The following RUNX1T1 variants were observed in gnomAD, a reference collection of about 807,000 sequenced individuals.
RUNX1T1 encodes the protein RUNX1 partner transcriptional co-repressor 1.
A neutral mutation model predicts 62.8 loss-of-function variants in RUNX1T1; 4 were observed. The observed-to-expected ratio is 0.06, with a 90% confidence interval of 0.03 to 0.15. The LOEUF is 0.15. Among genes scored for constraint, RUNX1T1 ranks in the 10% least tolerant of loss-of-function variants. The pLI is 1.00. For synonymous variants in RUNX1T1, 291 were observed against 286.0 expected (o/e 1.02, Z -0.18); for missense variants, 508 against 754.3 (o/e 0.67, Z 3.82).
At chr8:92,076,832 A>C (rs555386622) in intron 1 of RUNX1T1, among the ~76,000 whole-genome samples, 1 of 152,056 alleles carries the variant, frequency 6.6e-6, no homozygotes, top group Non-Finnish European at 1.5e-5. Flanking sequence ...CACAATATTT[A>C]TTGTCTATTC....
In RUNX1T1 at chr8:92,017,324, A is replaced by G. The variant is rs763393174; in HGVS notation, c.47T>C (p.Val16Ala). ...CAGCCTAGATTGCGTCTTCACATCC[A>G]CAGGTGAGTCTGGCATTGTGGAGTG... is the stretch of plus-strand genomic sequence containing the variant. Residue 16 changes from valine to alanine, a missense_variant, in exon 2 of 11, where the codon GTG becomes GCG. Coordinates refer to ENST00000396218, the Ensembl canonical transcript of RUNX1T1. 2.5e-6 allele frequency: 4 copies of G among 1,613,888 alleles called. No homozygotes were observed. In the African/African-American group the frequency reaches 5.3e-5, roughly 22 times the overall value.
intron 1 of RUNX1T1, among the ~76,000 whole-genome samples, chr8:92,087,272 A>C (rs1045005680): frequency 4.6e-5 from 7 of 152,174 alleles, no homozygotes; most frequent in African/African-American, 1.7e-4. Flanking sequence ...AAAATGCTTG[A>C]TATTCAAGAC....
chr8:91,989,584 T>A (rs1817243615), intron 6 of RUNX1T1, among the ~76,000 whole-genome samples: 1 of 152,222 alleles, frequency 6.6e-6, no homozygotes, highest in East Asian at 1.9e-4. Flanking sequence ...TACTGTATAG[T>A]GCACTGGAAC....
intron 6 of RUNX1T1, among the ~76,000 whole-genome samples, chr8:91,991,418 T>A (rs2130878426): frequency 6.6e-6 from 1 of 152,338 alleles, no homozygotes; most frequent in South Asian, 2.1e-4. Context: ...AAATTTAGTG[T>A]ACTGTCTTAA....
chr8:92,056,452 G>C (rs1405503179), intron 1 of RUNX1T1, among the ~76,000 whole-genome samples: 1 of 152,086 alleles, frequency 6.6e-6, no homozygotes, highest in Non-Finnish European at 1.5e-5. Flanking sequence ...TGAGTGTCAA[G>C]TACTCTGTAT....
chr8:92,033,462 T>A (rs1291173371), intron 1 of RUNX1T1, among the ~76,000 whole-genome samples: 1 of 152,188 alleles, frequency 6.6e-6, no homozygotes, highest in Non-Finnish European at 1.5e-5. Context: ...TTTCTTAAGT[T>A]CGTGATTCAG....
chr8:92,017,157 T>C (rs1436994329), intron 2 of RUNX1T1, 69 bp downstream of exon 3: 1 of 1,147,802 alleles, frequency 8.7e-7, no homozygotes, highest in Non-Finnish European at 1.3e-6. Flanking sequence ...CCCTTGATTT[T>C]TCATTTGCAG....
chr8:92,027,105 A>G (rs1252072030), intron 1 of RUNX1T1, among the ~76,000 whole-genome samples: 2 of 145,448 alleles, frequency 1.4e-5, no homozygotes, highest in South Asian at 2.2e-4. Context: ...GACAGAGCGA[A>G]ACTCCGTCTC....
At chr8:92,076,162 A>C in intron 1 of RUNX1T1, 25 bp from the exon 2 acceptor site, 2 of 1,487,348 alleles carry the variant, frequency 1.3e-6, no homozygotes, top group Non-Finnish European at 1.8e-6. Context: ...AAAGGGAAAA[A>C]AAATGCATAT....
chr8:91,996,599 C>T (rs369597026), intron 5 of RUNX1T1, among the ~76,000 whole-genome samples: 1 of 152,188 alleles, frequency 6.6e-6, no homozygotes, highest in African/African-American at 2.4e-5. Context: ...ATCCCAATCA[C>T]TTCTCTCTCG....
intron 5 of RUNX1T1, among the ~76,000 whole-genome samples, chr8:92,002,902 T>C (rs541500482): frequency 8.5e-5 from 13 of 152,236 alleles, no homozygotes; most frequent in Admixed American, 7.8e-4. Flanking sequence ...GCAGAAAATA[T>C]ATGCAAAAAG....
At chr8:92,086,560 C>T (rs1010289319) in intron 1 of RUNX1T1, among the ~76,000 whole-genome samples, 2 of 152,136 alleles carry the variant, frequency 1.3e-5, no homozygotes, top group Non-Finnish European at 1.5e-5. Flanking sequence ...TCACCATCTC[C>T]GAAAGGCAGC....
chr8:91,963,532 T>C (rs770520717), intron 10 of RUNX1T1, among the ~76,000 whole-genome samples: 15 of 152,330 alleles, frequency 9.8e-5, no homozygotes, highest in Non-Finnish European at 1.9e-4. Context: ...AATTTACTGT[T>C]GGCTAATCCA....
At chr8:91,972,808 T>C (rs948746092) in intron 9 of RUNX1T1, among the ~76,000 whole-genome samples, 1 of 152,112 alleles carries the variant, frequency 6.6e-6, no homozygotes, top group Non-Finnish European at 1.5e-5. Flanking sequence ...GGTGCTTGAA[T>C]ATTTATTACC....
chr8:92,022,496 A>G (rs993755155), intron 1 of RUNX1T1, among the ~76,000 whole-genome samples: 14 of 152,148 alleles, frequency 9.2e-5, no homozygotes, highest in Non-Finnish European at 2.1e-4. Context: ...CTCAGCCCAT[A>G]AGGGCTCTAC....
At chr8:92,003,811 T>C (rs1563729110) in intron 5 of RUNX1T1, among the ~76,000 whole-genome samples, 1 of 152,238 alleles carries the variant, frequency 6.6e-6, no homozygotes, top group Non-Finnish European at 1.5e-5. Flanking sequence ...TGCTCTATTT[T>C]ACTCTTAAAT....
At chr8:91,961,151 C>A (rs1220101198) in intron 10 of RUNX1T1, among the ~76,000 whole-genome samples, 1 of 152,230 alleles carries the variant, frequency 6.6e-6, no homozygotes, top group Non-Finnish European at 1.5e-5. Flanking sequence ...CCCTTTACCT[C>A]AGCTCCCTGG....
chr8:92,018,476 A>AAC (rs147621923), intron 1 of RUNX1T1, among the ~76,000 whole-genome samples: 1 of 152,112 alleles, frequency 6.6e-6, no homozygotes, highest in South Asian at 2.1e-4. Context: ...CACGCACATG[A>AAC]ACACACACAC....
upstream of RUNX1T1, chr8:92,103,125 C>T: frequency 5.0e-6 from 2 of 400,558 alleles, no homozygotes; most frequent in South Asian, 1.7e-4. Context: ...CAAACGCAAC[C>T]TCCACGCAGA....
Sources: gnomAD v4.1 joint callset for allele counts (sites outside exome capture counted in the v4.1 genomes callset) on GRCh38, gnomAD v4.1.1 for gene constraint, MANE v1.5 for transcripts, NCBI Gene and HGNC (gene_info 2026-07-23, HGNC 2026-07-21) for gene names.